The following TMTC1 variants were observed in gnomAD, a reference collection of about 807,000 sequenced individuals.
TMTC1 encodes the protein protein O-mannosyl-transferase TMTC1.
TMTC1 carries 73 observed loss-of-function variants against 104.8 expected under a neutral mutation model. The observed-to-expected ratio is 0.70, with a 90% CI of 0.58 to 0.85. TMTC1 has a LOEUF of 0.85. Among genes scored for constraint, TMTC1 ranks in the 40% least tolerant of loss-of-function variants. TMTC1 has a pLI of 0.00. For missense variants in TMTC1, 1,035 were observed against 1,096.1 expected, an observed-to-expected ratio of 0.94 and a Z score of 0.79; for synonymous variants, 434 against 428.7, an observed-to-expected ratio of 1.01 and a Z score of -0.15.
intron 5 of TMTC1, among the ~76,000 whole-genome samples, chr12:29,675,609 C>CAA (rs1940695430): frequency 6.8e-6 from 1 of 147,422 alleles, no homozygotes; most frequent in Non-Finnish European, 1.5e-5. Flanking sequence ...CACACACACA[C>CAA]ACACACACAC....
chr12:29,587,707 C>G (rs908697535), intron 7 of TMTC1, among the ~76,000 whole-genome samples: 3 of 152,168 alleles, frequency 2.0e-5, no homozygotes, highest in Non-Finnish European at 4.4e-5. Flanking sequence ...GAGACTATTA[C>G]TATCAGAAGT....
At chr12:29,628,820 C>T (rs1264736196) in intron 6 of TMTC1, among the ~76,000 whole-genome samples, 1 of 151,934 alleles carries the variant, frequency 6.6e-6, no homozygotes, top group Non-Finnish European at 1.5e-5. Flanking sequence ...CACCACTATG[C>T]CCAGCTAATT....
intron 5 of TMTC1, chr12:29,666,114 A>T: frequency 4.9e-6 from 2 of 410,266 alleles, no homozygotes; most frequent in South Asian, 3.5e-5. Flanking sequence ...GTGCTTTAAC[A>T]AGTGTTATTT....
At chr12:29,734,440 T>C (rs1195397352) in intron 5 of TMTC1, among the ~76,000 whole-genome samples, 1 of 152,212 alleles carries the variant, frequency 6.6e-6, no homozygotes, top group Non-Finnish European at 1.5e-5. Context: ...TCTCCCTGCA[T>C]GTCCCACCAT....
At chr12:29,568,091 T>C (rs1246820444) in intron 9 of TMTC1, among the ~76,000 whole-genome samples, 2 of 152,206 alleles carry the variant, frequency 1.3e-5, no homozygotes, top group Admixed American at 6.5e-5. Flanking sequence ...ATTATATCAG[T>C]AGGCACTATT....
chr12:29,592,190 T>C (rs1382055514), intron 7 of TMTC1, among the ~76,000 whole-genome samples: 1 of 152,206 alleles, frequency 6.6e-6, no homozygotes, highest in Non-Finnish European at 1.5e-5. Context: ...TACACTCTTT[T>C]AAAGAATTCC....
At position 29,755,713 on chromosome 12, in the gene TMTC1, T is replaced by C. The variant is rs749667706; in HGVS notation, c.727A>G (p.Lys243Glu). 1.2e-6 allele frequency: 2 copies of C among 1,612,830 alleles called. No homozygotes were observed. Among genetic ancestry groups the C allele is most frequent in the Non-Finnish European group, 1.7e-6 (2 of 1,179,322 alleles). ...DLFSLSNKQD[K>E]SSNGALCPRS... ...CAAAACTGTAAAATGACTTACGACT[T>C]GTCTTGCTTGTTGGAAAGGGAAAAG... The change falls in exon 4 of 18, where the codon AAG becomes GAG. Residue 243 changes from lysine (K) to glutamate (E), a missense_variant. Transcript: ENST00000539277.
chr12:29,512,683 C>G (rs1943873617), intron 16 of TMTC1, among the ~76,000 whole-genome samples: 2 of 152,122 alleles, frequency 1.3e-5, no homozygotes, highest in Admixed American at 6.5e-5. Flanking sequence ...CATGAAAAGT[C>G]TTCAAATGTT....
chr12:29,730,096 A>G (rs758299099), intron 5 of TMTC1, among the ~76,000 whole-genome samples: 48 of 152,226 alleles, frequency 3.2e-4, no homozygotes, highest in Non-Finnish European at 6.3e-4. Context: ...AGAAGGGTGC[A>G]GTTGAAACAA....
At chr12:29,678,303 CT>C (rs1284829994) in intron 5 of TMTC1, among the ~76,000 whole-genome samples, 1 of 152,202 alleles carries the variant, frequency 6.6e-6, no homozygotes, top group East Asian at 1.9e-4. Context: ...ATTACTTCTT[CT>C]TCCTGAGCAC....
intron 10 of TMTC1, among the ~76,000 whole-genome samples, chr12:29,551,763 C>T (rs1945110859): frequency 6.6e-6 from 1 of 151,010 alleles, no homozygotes; most frequent in Non-Finnish European, 1.5e-5. Flanking sequence ...AAAGTTCATG[C>T]TAATCTTGCC....
At chr12:29,608,142 CAT>C (rs1565706269) in intron 6 of TMTC1, among the ~76,000 whole-genome samples, 1 of 152,066 alleles carries the variant, frequency 6.6e-6, no homozygotes, top group Non-Finnish European at 1.5e-5. Context: ...ATTTGAAAAA[CAT>C]ATCAATCTGC....
chr12:29,573,980 G>T (rs555809706), intron 8 of TMTC1, among the ~76,000 whole-genome samples: 27 of 152,160 alleles, frequency 1.8e-4, no homozygotes, highest in Admixed American at 4.6e-4. Context: ...AGAGAGGAGA[G>T]GAGAGGGAAA....
At chr12:29,538,468 A>G (rs1399606007) in intron 10 of TMTC1, among the ~76,000 whole-genome samples, 1 of 152,194 alleles carries the variant, frequency 6.6e-6, no homozygotes, top group Non-Finnish European at 1.5e-5. Flanking sequence ...TGGACTTTGA[A>G]AATTAAGGCT....
At position 29,650,970 on chromosome 12, in the gene TMTC1, A is replaced by G. The variant is rs373876169; in HGVS notation, c.939-17634T>C. On this transcript the variant is annotated intron_variant, in intron 5 of 17. Coordinates refer to ENST00000539277, the MANE Select transcript of TMTC1 (RefSeq NM_001193451.2). ...TGTTGTTGTTTCAAAAGAAAACACCACTGTAGGCTGTATCAGACACAAAAC... is the reference window on the plus strand; with the variant it reads ...TGTTGTTGTTTCAAAAGAAAACACCGCTGTAGGCTGTATCAGACACAAAAC... Among the ~76,000 whole-genome samples, 22 of 152,322 alleles carry G rather than the reference A, an allele frequency of 1.4e-4. 1 individual carries two copies. The South Asian group carries it at 4.6e-3, about 32-fold the overall frequency.
intron 5 of TMTC1, among the ~76,000 whole-genome samples, chr12:29,636,438 C>A (rs960284049): frequency 5.9e-5 from 9 of 152,218 alleles, no homozygotes; most frequent in African/African-American, 2.2e-4. Context: ...TTCTTTATGT[C>A]TTCTAGATGT....
intron 5 of TMTC1, among the ~76,000 whole-genome samples, chr12:29,652,545 T>C (rs1430149933): frequency 6.6e-6 from 1 of 152,198 alleles, no homozygotes; most frequent in African/African-American, 2.4e-5. Context: ...GCAAAGGTAG[T>C]GTAATGTTCA....
intron 10 of TMTC1, among the ~76,000 whole-genome samples, chr12:29,551,787 CT>C (rs34656608): frequency 0.2 from 27,587 of 139,036 alleles, 3,626 homozygotes; most frequent in African/African-American, 0.42. Flanking sequence ...TTTCTTTCTT[CT>C]TTTTTTTTTT....
intron 6 of TMTC1, among the ~76,000 whole-genome samples, chr12:29,619,090 A>T (rs192720319): frequency 6.6e-6 from 1 of 152,206 alleles, no homozygotes. Context: ...GGAAAAAAAA[A>T]CTAAAGCTGT....
Sources: gnomAD v4.1 joint callset for allele counts (sites outside exome capture counted in the v4.1 genomes callset) on GRCh38, gnomAD v4.1.1 for gene constraint, MANE v1.5 for transcripts, NCBI Gene and HGNC (gene_info 2026-07-23, HGNC 2026-07-21) for gene names.